NEGR1: variants seen among roughly 807,000 people sequenced by gnomAD.
NEGR1 encodes the protein neuronal growth regulator 1.
NEGR1 carries 10 observed loss-of-function variants against 40.9 expected under a neutral mutation model. That is an observed-to-expected ratio of 0.24 (90% confidence interval 0.15 to 0.42). The LOEUF is 0.42. Among genes scored for constraint, NEGR1 ranks in the 10% least tolerant of loss-of-function variants. NEGR1 has a pLI of 1.00. For synonymous variants in NEGR1, 185 were observed against 166.8 expected (o/e 1.11, Z -0.84); for missense variants, 352 against 438.9 (o/e 0.80, Z 1.77).
chr1:71,913,785 CTAT>C (rs1312235437), intron 2 of NEGR1, among the ~76,000 whole-genome samples: 1 of 148,288 alleles, frequency 6.7e-6, no homozygotes, highest in African/African-American at 2.5e-5. Context: ...TTTCTGAATT[CTAT>C]TATTTTACAG....
chr1:71,455,687 T>G (rs1016097439), intron 6 of NEGR1, among the ~76,000 whole-genome samples: 4 of 152,174 alleles, frequency 2.6e-5, no homozygotes, highest in Admixed American at 6.5e-5. Context: ...ATCACACCAC[T>G]GCACTCCAGC....
intron 6 of NEGR1, among the ~76,000 whole-genome samples, chr1:71,521,858 C>T (rs1471112299): frequency 6.6e-6 from 1 of 151,932 alleles, no homozygotes; most frequent in African/African-American, 2.4e-5. Context: ...AGAGGTGCCA[C>T]CTAGTGACTG....
At chr1:72,012,043 T>C (rs1053168027) in intron 1 of NEGR1, among the ~76,000 whole-genome samples, 1 of 152,076 alleles carries the variant, frequency 6.6e-6, no homozygotes, top group African/African-American at 2.4e-5. Flanking sequence ...TCTGGTACAA[T>C]GTGGAAGGCG....
At chr1:71,885,685 A>T (rs1660704407) in intron 2 of NEGR1, among the ~76,000 whole-genome samples, 1 of 152,210 alleles carries the variant, frequency 6.6e-6, no homozygotes, top group Non-Finnish European at 1.5e-5. Context: ...ATATGCACAG[A>T]AACATTAGAG....
intron 2 of NEGR1, among the ~76,000 whole-genome samples, chr1:71,833,449 T>C (rs1570409087): frequency 6.6e-6 from 1 of 151,856 alleles, no homozygotes; most frequent in Middle Eastern, 3.4e-3. Context: ...TTCTCCATGG[T>C]TGGTCAAGAC....
intron 3 of NEGR1, among the ~76,000 whole-genome samples, chr1:71,756,394 CAA>C (rs1293104436): frequency 1.7e-5 from 1 of 58,644 alleles, no homozygotes; most frequent in African/African-American, 6.6e-5. Context: ...CTCAAAAAAA[CAA>C]AAAACAAAAA....
chr1:71,790,195 A>T (rs1253350358), intron 2 of NEGR1, among the ~76,000 whole-genome samples: 3 of 152,122 alleles, frequency 2.0e-5, no homozygotes, highest in Non-Finnish European at 2.9e-5. Flanking sequence ...TTGCTCACAT[A>T]GCCTGACAGA....
At chr1:71,575,783 A>C (rs1648946271) in intron 6 of NEGR1, among the ~76,000 whole-genome samples, 1 of 117,574 alleles carries the variant, frequency 8.5e-6, no homozygotes, top group South Asian at 2.9e-4. Context: ...ACTCCGGCTC[A>C]AAACAAAAAC....
chr1:71,849,854 C>T (rs560299084), intron 2 of NEGR1, among the ~76,000 whole-genome samples: 11 of 152,184 alleles, frequency 7.2e-5, no homozygotes, highest in African/African-American at 2.4e-4. Context: ...AAGGTGTGTA[C>T]ATTTTTTTAG....
chr1:72,217,703 A>G (rs1041507230), intron 1 of NEGR1, among the ~76,000 whole-genome samples: 4 of 151,884 alleles, frequency 2.6e-5, no homozygotes, highest in African/African-American at 7.2e-5. Context: ...CATTTAAATA[A>G]TGATTTGTCT....
intron 1 of NEGR1, among the ~76,000 whole-genome samples, chr1:72,040,259 C>T (rs1403205188): frequency 6.6e-6 from 1 of 151,832 alleles, no homozygotes; most frequent in Non-Finnish European, 1.5e-5. Flanking sequence ...GAGAACAATA[C>T]AAGCCAGATA....
intron 2 of NEGR1, among the ~76,000 whole-genome samples, chr1:71,860,915 C>T (rs1471893673): frequency 1.3e-5 from 2 of 151,914 alleles, no homozygotes; most frequent in Admixed American, 1.3e-4. Context: ...TCTACATAAT[C>T]AAGTTAAAAT....
chr1:71,483,987 T>C (rs1376911621), intron 6 of NEGR1, among the ~76,000 whole-genome samples: 1 of 151,754 alleles, frequency 6.6e-6, no homozygotes, highest in Admixed American at 6.6e-5. Flanking sequence ...CTGTATTCTC[T>C]GGAAAATAAC....
chr1:71,658,732 T>C (rs1651953545), intron 4 of NEGR1, among the ~76,000 whole-genome samples: 1 of 152,192 alleles, frequency 6.6e-6, no homozygotes, highest in Non-Finnish European at 1.5e-5. Flanking sequence ...ACCCTTATCT[T>C]AGATATTTTA....
At chr1:71,505,110 G>C (rs1647023447) in intron 6 of NEGR1, among the ~76,000 whole-genome samples, 1 of 152,076 alleles carries the variant, frequency 6.6e-6, no homozygotes, top group Admixed American at 6.5e-5. Context: ...TTAATAAAGG[G>C]ATTCATTGAA....
chr1:71,914,179 A>G (rs1661507228), intron 2 of NEGR1, among the ~76,000 whole-genome samples: 1 of 152,160 alleles, frequency 6.6e-6, no homozygotes. Context: ...TTATATTCTG[A>G]GAAGACACAG....
At chr1:71,900,375 T>C (rs374407670) in intron 2 of NEGR1, among the ~76,000 whole-genome samples, 4 of 152,216 alleles carry the variant, frequency 2.6e-5, no homozygotes, top group Non-Finnish European at 5.9e-5. Flanking sequence ...AATGTTATTA[T>C]GAATTAAAAT....
chr1:71,611,256 C>A, intron 4 of NEGR1, 110 bp from the exon 5 acceptor site: 1 of 916,760 alleles, frequency 1.1e-6, no homozygotes. Flanking sequence ...CAATCTTATG[C>A]CTGATAGACC....
At chr1:71,641,701 G>GT (rs1651358853) in intron 4 of NEGR1, among the ~76,000 whole-genome samples, 2 of 151,968 alleles carry the variant, frequency 1.3e-5, no homozygotes, top group Non-Finnish European at 2.9e-5. Context: ...AGCAGAACCA[G>GT]TCATGCATAA....
Sources: gnomAD v4.1 joint callset for allele counts (sites outside exome capture counted in the v4.1 genomes callset) on GRCh38, gnomAD v4.1.1 for gene constraint, MANE v1.5 for transcripts, NCBI Gene and HGNC (gene_info 2026-07-23, HGNC 2026-07-21) for gene names.